Variants in NDUFA10 observed in about 807,000 individuals in gnomAD.
NDUFA10 encodes NADH:ubiquinone oxidoreductase subunit A10, also known as NADH dehydrogenase [ubiquinone] 1 alpha subcomplex subunit 10, mitochondrial.
NDUFA10 carries 40 observed loss-of-function variants against 47.8 expected under a neutral mutation model. The observed-to-expected ratio is 0.84, with a 90% CI of 0.65 to 1.09. The LOEUF (loss-of-function observed/expected upper bound fraction) is 1.09, where lower values mean the gene tolerates loss of function less well. Among genes scored for constraint, NDUFA10 ranks in the 50% least tolerant of loss-of-function variants. NDUFA10 has a pLI of 0.00. For missense variants in NDUFA10, 413 were observed against 451.1 expected (o/e 0.92, Z 0.76); for synonymous variants, 183 against 172.2 (o/e 1.06, Z -0.49).
intron 4 of NDUFA10, among the ~76,000 whole-genome samples, chr2:239,947,930 G>C (rs530927585): frequency 4.8e-4 from 73 of 152,264 alleles, no homozygotes; most frequent in African/African-American, 1.6e-3. Context: ...GGCCCTTCTT[G>C]AGCGTGGGCA....
At chr2:239,962,098 C>T (rs572638926) in intron 9 of NDUFA10, among the ~76,000 whole-genome samples, 1 of 152,124 alleles carries the variant, frequency 6.6e-6, no homozygotes, top group Non-Finnish European at 1.5e-5. Context: ...CACCTCGTTG[C>T]GGAGCCAGGA....
chr2:239,974,147 T>G (rs1448704618), intron 9 of NDUFA10, among the ~76,000 whole-genome samples: 1 of 152,140 alleles, frequency 6.6e-6, no homozygotes, highest in Non-Finnish European at 1.5e-5. Flanking sequence ...CAGGCTGATC[T>G]CCAACTCCTG....
At chr2:239,903,060 G>A (rs965161333) in intron 4 of NDUFA10, among the ~76,000 whole-genome samples, 7 of 152,182 alleles carry the variant, frequency 4.6e-5, no homozygotes, top group Non-Finnish European at 8.8e-5. Flanking sequence ...TGGGCAATGA[G>A]TGGCTGTGGT....
chr2:239,932,036 A>T (rs761179986), intron 4 of NDUFA10, among the ~76,000 whole-genome samples: 1 of 151,684 alleles, frequency 6.6e-6, no homozygotes, highest in Non-Finnish European at 1.5e-5. Context: ...GGGTTTCACC[A>T]TATTAGCCAG....
rs1183860830 is a variant in NDUFA10, at chr2:239,906,249, A to G, written c.295-10935T>C. Among the ~76,000 whole-genome samples, 2 of 152,202 alleles carry G rather than the reference A, an allele frequency of 1.3e-5. No individual in the cohort carries two copies. The highest frequency in any genetic ancestry group is 4.8e-5 in the African/African-American group (2 of 41,436). On this transcript the variant is annotated intron_variant, in intron 4 of 5. Transcript: ENST00000419408. This position sits in a 1 kb window ranked among gnomAD's most constrained non-coding sequence, Gnocchi z 4.3. ...CCGGAAGGAAGTCAGTATATAATTAAAAGTCATTTAATCATCTACTGTTCA... is the reference window on the plus strand; with the variant it reads ...CCGGAAGGAAGTCAGTATATAATTAGAAGTCATTTAATCATCTACTGTTCA...
intron 4 of NDUFA10, among the ~76,000 whole-genome samples, chr2:239,949,170 G>A (rs773330492): frequency 6.6e-6 from 1 of 152,246 alleles, no homozygotes; most frequent in Non-Finnish European, 1.5e-5. Context: ...ACTGCTGATT[G>A]AGCGACTTCT....
At chr2:239,993,555 G>A (rs1696341992) in intron 8 of NDUFA10, among the ~76,000 whole-genome samples, 1 of 152,160 alleles carries the variant, frequency 6.6e-6, no homozygotes, top group Non-Finnish European at 1.5e-5. Context: ...TCTGGGAAAG[G>A]AAATTCAGAC....
Position 240,014,465 on chromosome 2 carries a change from G to C in NDUFA10, c.669+274C>G, listed in dbSNP as rs527570061. On this transcript the variant is annotated intron_variant, in intron 5 of 9. Coordinates refer to ENST00000252711, the MANE Select transcript of NDUFA10 (RefSeq NM_004544.4). Reference sequence around the variant, plus strand: ...ACGCTCTGCCAGGAGGCCCTCACCAGCCTCCCAAGTTTAAACAGCTGAGGG... The same window carrying C: ...ACGCTCTGCCAGGAGGCCCTCACCACCCTCCCAAGTTTAAACAGCTGAGGG... 14 of 477,628 alleles carry C rather than the reference G, an allele frequency of 2.9e-5. No homozygotes were observed. In the East Asian group the frequency reaches 5.7e-4, roughly 19 times the overall value. The allele number at this position is 477,628 out of a possible 1,614,324, so 29.6% of individuals were successfully genotyped here.
chr2:239,910,534 G>A (rs564799468), intron 4 of NDUFA10, among the ~76,000 whole-genome samples: 17 of 152,104 alleles, frequency 1.1e-4, no homozygotes, highest in South Asian at 2.1e-4. Flanking sequence ...CGGACACATC[G>A]GGGGAACAAC....
chr2:239,979,834 C>T (rs1407110302), intron 9 of NDUFA10, among the ~76,000 whole-genome samples: 1 of 152,138 alleles, frequency 6.6e-6, no homozygotes, highest in Admixed American at 6.5e-5. Flanking sequence ...CTGCGGACCC[C>T]GGCTGACCTT....
chr2:239,919,806 G>T (rs915121003), intron 4 of NDUFA10, among the ~76,000 whole-genome samples: 24 of 152,306 alleles, frequency 1.6e-4, no homozygotes, highest in African/African-American at 5.8e-4. Flanking sequence ...CATCTTCCAT[G>T]AACTCTGAGT....
chr2:239,980,292 G>A (rs530283675), intron 9 of NDUFA10, among the ~76,000 whole-genome samples: 1 of 152,326 alleles, frequency 6.6e-6, no homozygotes, highest in African/African-American at 2.4e-5. Context: ...GTCGGGCAGG[G>A]GGTCTGAAAT....
intron 4 of NDUFA10, among the ~76,000 whole-genome samples, chr2:239,920,145 C>T (rs980520909): frequency 6.6e-6 from 1 of 152,162 alleles, no homozygotes; most frequent in Non-Finnish European, 1.5e-5. Context: ...AGGGTGGGGC[C>T]CCATGATGGG....
Position 239,939,125 on chromosome 2 carries a change from G to A in NDUFA10, c.295-43811C>T, listed in dbSNP as rs562578578. Among the ~76,000 whole-genome samples, 13 of 152,300 alleles carry A rather than the reference G, an allele frequency of 8.5e-5. 1 individual carries two copies. The highest frequency in any genetic ancestry group is 9.6e-5 in the African/African-American group (4 of 41,580). ...GCGCCCAGGCGTGGGGAGGATCCTCGGACCCGCGGACAGTCAGGATCCAGC... is the reference window on the plus strand; with the variant it reads ...GCGCCCAGGCGTGGGGAGGATCCTCAGACCCGCGGACAGTCAGGATCCAGC... On this transcript the variant is annotated intron_variant, in intron 4 of 5. Transcript: ENST00000419408.
chr2:239,978,946 T>C (rs1695648579), intron 9 of NDUFA10, among the ~76,000 whole-genome samples: 1 of 152,178 alleles, frequency 6.6e-6, no homozygotes, highest in Non-Finnish European at 1.5e-5. Flanking sequence ...TAAAAAAGTA[T>C]CTTAAAAGAC....
In NDUFA10 at chr2:239,960,976, T is replaced by A. The variant is rs201572182; in HGVS notation, c.*142A>T. 4.6e-5 allele frequency: 71 copies of A among 1,540,086 alleles called. 1 individual carries two copies. In the East Asian group the frequency reaches 1.6e-3, roughly 34 times the overall value. ...TTACCTATACTACAGGATGGATTGC[T>A]TTTTGTGAGACCCCTTCTTCCACTG... is the stretch of plus-strand genomic sequence containing the variant. On this transcript the variant is annotated 3_prime_UTR_variant, in exon 10 of 10. Transcript: ENST00000252711.
intron 4 of NDUFA10, among the ~76,000 whole-genome samples, chr2:239,933,120 C>T (rs1376734846): frequency 6.6e-6 from 1 of 152,084 alleles, no homozygotes; most frequent in Non-Finnish European, 1.5e-5. Flanking sequence ...TAGCAGGTCA[C>T]ATCGGAGTGA....
rs1303475054 is a variant in NDUFA10, at chr2:239,990,194, GAC to G, written c.891-14_891-13del. On this transcript the variant is annotated splice_polypyrimidine_tract_variant and intron_variant, in intron 8 of 9. Transcript: ENST00000252711. ...ACTTATCCTGAACCCTAAAAAATAA[GAC>G]ACATGTGGATCACACCAAACCATCA... 3 of 1,578,972 alleles carry G rather than the reference GAC, an allele frequency of 1.9e-6. No homozygotes were observed. The highest frequency in any genetic ancestry group is 2.7e-5 in the African/African-American group (2 of 74,128).
chr2:239,895,697 T>A (rs1289299236), intron 4 of NDUFA10, among the ~76,000 whole-genome samples: 1 of 152,178 alleles, frequency 6.6e-6, no homozygotes, highest in Non-Finnish European at 1.5e-5. Context: ...AAGCATTAGA[T>A]CCCCATGCAG....
Sources: gnomAD v4.1 joint callset for allele counts (sites outside exome capture counted in the v4.1 genomes callset) on GRCh38, gnomAD v4.1.1 for gene constraint, Gnocchi (gnomAD v3.1) non-coding constraint, MANE v1.5 for transcripts, NCBI Gene and HGNC (gene_info 2026-07-23, HGNC 2026-07-21) for gene names.